Variants in LARS2 observed in about 807,000 individuals in gnomAD.
LARS2 encodes leucyl-tRNA synthetase 2, mitochondrial.
LARS2 carries 81 observed loss-of-function variants against 116.6 expected under a neutral mutation model. The ratio of observed to expected loss-of-function variants is 0.69; its 90% CI spans 0.58 to 0.84. The LOEUF (loss-of-function observed/expected upper bound fraction) is 0.84, where lower values mean the gene tolerates loss of function less well. LARS2 is among the 40% of genes least tolerant of loss of function. LARS2 has a pLI of 0.00. For missense variants in LARS2, 968 were observed against 1,114.5 expected (o/e 0.87, Z 1.87); for synonymous variants, 396 against 407.2 (o/e 0.97, Z 0.33).
intron 8 of LARS2, among the ~76,000 whole-genome samples, chr3:45,460,254 G>GCA (rs545962862): frequency 6.6e-6 from 1 of 152,200 alleles, no homozygotes; most frequent in Non-Finnish European, 1.5e-5. Context: ...TTTAAGCACA[G>GCA]CAATATTGGA....
intron 7 of LARS2, among the ~76,000 whole-genome samples, chr3:45,458,134 A>G (rs564451479): frequency 1.3e-5 from 2 of 152,076 alleles, no homozygotes; most frequent in South Asian, 4.1e-4. Context: ...AATAGGTACC[A>G]TTTTTTCTTC....
At chr3:45,536,750 G>A (rs1247803934) in intron 20 of LARS2, among the ~76,000 whole-genome samples, 2 of 152,216 alleles carry the variant, frequency 1.3e-5, no homozygotes, top group Non-Finnish European at 2.9e-5. Context: ...AGCATTCAAC[G>A]TTACAAGAGA....
chr3:45,516,682 G>T (rs1172117839), intron 17 of LARS2, among the ~76,000 whole-genome samples: 1 of 152,126 alleles, frequency 6.6e-6, no homozygotes, highest in East Asian at 1.9e-4. Context: ...GTCCAAAGAG[G>T]CCAGTTCCCT....
chr3:45,422,594 C>T (rs1448387307), intron 6 of LARS2, among the ~76,000 whole-genome samples: 3 of 152,078 alleles, frequency 2.0e-5, no homozygotes, highest in African/African-American at 4.8e-5. Flanking sequence ...ATTTAAAAGG[C>T]AAACTTTATA....
chr3:45,421,379 A>G (rs768303759), intron 6 of LARS2: 5 of 152,164 alleles, frequency 3.3e-5, no homozygotes, highest in Non-Finnish European at 7.3e-5. Flanking sequence ...TTTTAATTTC[A>G]AAAAAATCTT....
chr3:45,537,024 C>CTG lies in LARS2; in HGVS notation c.2405-4775_2405-4774dup, dbSNP rs5848749. Among the ~76,000 whole-genome samples the CTG allele has an allele frequency of 4.3e-3, 644 of 150,234 alleles. 3 individuals carry two copies. Among genetic ancestry groups the CTG allele is most frequent in the African/African-American group, 0.014 (578 of 40,462 alleles). ...TTTGGGTGATGGTCCTTCTTTTGCT[C>CTG]TGTGTGTGTGTGTGTGTGTGTGTGT... On this transcript the variant is annotated intron_variant, in intron 20 of 21. Coordinates refer to ENST00000645846, the MANE Select transcript of LARS2 (RefSeq NM_015340.4).
In LARS2 at chr3:45,513,192, A is replaced by G. The variant is rs762382224; in HGVS notation, c.1818A>G (p.Leu606=). 2 of 1,613,786 alleles carry G rather than the reference A, an allele frequency of 1.2e-6. No individual in the cohort carries two copies. Among genetic ancestry groups the G allele is most frequent in the Admixed American group, 1.7e-5 (1 of 60,022 alleles). Reference sequence around the variant, plus strand: ...TTATCAAGGGGCAGACATTCCGCCTACCATCTGGACAGTATCTACAGAGAG... The same window carrying G: ...TTATCAAGGGGCAGACATTCCGCCTGCCATCTGGACAGTATCTACAGAGAG... ...QGLIKGQTFR[L]PSGQYLQREE... is the part of the protein sequence containing the mutation. The change falls in exon 16 of 22, where the codon CTA becomes CTG. Residue 606 remains leucine, a synonymous_variant. Transcript: ENST00000645846.
At chr3:45,449,232 A>C (rs1699073989) in intron 7 of LARS2, among the ~76,000 whole-genome samples, 1 of 142,654 alleles carries the variant, frequency 7.0e-6, no homozygotes, top group Non-Finnish European at 1.5e-5. Flanking sequence ...GTGTGATCTC[A>C]GCTCACTGCA....
At chr3:45,457,127 G>A (rs1210284060) in intron 7 of LARS2, among the ~76,000 whole-genome samples, 2 of 152,228 alleles carry the variant, frequency 1.3e-5, no homozygotes, top group Non-Finnish European at 2.9e-5. Context: ...ATAGAACCTG[G>A]GAGAGCAGTA....
chr3:45,444,242 T>C (rs1445384447), intron 6 of LARS2, among the ~76,000 whole-genome samples: 2 of 148,518 alleles, frequency 1.3e-5, no homozygotes, highest in Non-Finnish European at 3.0e-5. Flanking sequence ...CTCAATCTCC[T>C]GACCTTGTGA....
intron 4 of LARS2, among the ~76,000 whole-genome samples, 191 bp from the exon 5 acceptor site, chr3:45,417,291 A>T (rs1167787252): frequency 6.6e-6 from 1 of 152,210 alleles, no homozygotes; most frequent in African/African-American, 2.4e-5. Context: ...GTGCTTTGGC[A>T]TATAACCTTC....
intron 7 of LARS2, among the ~76,000 whole-genome samples, chr3:45,458,006 G>A (rs563197049): frequency 2.0e-5 from 3 of 152,192 alleles, no homozygotes; most frequent in African/African-American, 4.8e-5. Context: ...CTAGGGTGCT[G>A]GAAATGTGCT....
At chr3:45,516,431 C>T (rs1700370744) in intron 17 of LARS2, among the ~76,000 whole-genome samples, 155 bp downstream of exon 17, 1 of 152,212 alleles carries the variant, frequency 6.6e-6, no homozygotes, top group Non-Finnish European at 1.5e-5. Flanking sequence ...GCATCCTGCA[C>T]CACTCTTAGA....
intron 21 of LARS2, among the ~76,000 whole-genome samples, chr3:45,546,007 C>A (rs966364289): frequency 5.3e-5 from 8 of 152,062 alleles, no homozygotes; most frequent in African/African-American, 1.9e-4. Context: ...CTTGTAAGAC[C>A]AGGCCTAAGA....
At chr3:45,545,300 C>T (rs1013193343) in intron 21 of LARS2, among the ~76,000 whole-genome samples, 2 of 152,224 alleles carry the variant, frequency 1.3e-5, no homozygotes, top group Non-Finnish European at 2.9e-5. Context: ...GTGGGAGGAA[C>T]ACCTGTGGCC....
chr3:45,517,759 C>A, intron 17 of LARS2, 144 bp from the exon 18 acceptor site: 1 of 599,076 alleles, frequency 1.7e-6, no homozygotes, highest in African/African-American at 1.9e-5. Context: ...AGGGAGGATC[C>A]TTCAGCCTGC....
chr3:45,482,084 C>T (rs953151938), intron 10 of LARS2, among the ~76,000 whole-genome samples: 16 of 152,134 alleles, frequency 1.1e-4, no homozygotes, highest in Non-Finnish European at 2.2e-4. Context: ...TTTTAACTCA[C>T]GTTCCCACAT....
intron 16 of LARS2, 151 bp downstream of exon 16, chr3:45,513,386 T>A: frequency 1.6e-6 from 1 of 622,998 alleles, no homozygotes; most frequent in Non-Finnish European, 2.9e-6. Context: ...CTCAGCTCCC[T>A]CTGGGCCTGC....
At chr3:45,514,711 A>T (rs1303943101) in intron 16 of LARS2, among the ~76,000 whole-genome samples, 2 of 152,214 alleles carry the variant, frequency 1.3e-5, no homozygotes, top group Non-Finnish European at 2.9e-5. Flanking sequence ...CATCTGCCAA[A>T]CGAGGGTGAC....
Sources: gnomAD v4.1 joint callset for allele counts (sites outside exome capture counted in the v4.1 genomes callset) on GRCh38, gnomAD v4.1.1 for gene constraint, MANE v1.5 for transcripts, NCBI Gene and HGNC (gene_info 2026-07-23, HGNC 2026-07-21) for gene names.